Variants in TNS1 observed in about 807,000 individuals in gnomAD.
The protein encoded by TNS1 is tensin-1.
A neutral mutation model predicts 168.6 loss-of-function variants in TNS1; 62 were observed. The observed-to-expected ratio is 0.37, with a 90% CI of 0.30 to 0.45. TNS1 has a LOEUF of 0.45. Among genes scored for constraint, TNS1 ranks in the 20% least tolerant of loss-of-function variants. The pLI is 1.00. For synonymous variants in TNS1, 934 were observed against 933.2 expected (o/e 1.00, Z -0.02); for missense variants, 2,240 against 2,339.4 (o/e 0.96, Z 0.88).
chr2:217,972,486 C>G (rs1216977805), intron 3 of TNS1, among the ~76,000 whole-genome samples: 1 of 152,224 alleles, frequency 6.6e-6, no homozygotes, highest in Non-Finnish European at 1.5e-5. Flanking sequence ...ATGGGATTTC[C>G]TTTCCTTTCA....
At chr2:217,861,801 C>T (rs910382643) in intron 18 of TNS1, among the ~76,000 whole-genome samples, 1 of 152,246 alleles carries the variant, frequency 6.6e-6, no homozygotes, top group Admixed American at 6.5e-5. Flanking sequence ...AAGGACAGAA[C>T]ACGAGTAGTG....
At chr2:217,868,126 C>T (rs770370786) in intron 18 of TNS1, among the ~76,000 whole-genome samples, 5 of 152,312 alleles carry the variant, frequency 3.3e-5, no homozygotes, top group South Asian at 2.1e-4. Flanking sequence ...AATGAAGAAG[C>T]GAATGTGACT....
At chr2:217,934,092 G>A (rs549795840) in intron 3 of TNS1, among the ~76,000 whole-genome samples, 48 of 152,318 alleles carry the variant, frequency 3.2e-4, no homozygotes, top group East Asian at 1.3e-3. Flanking sequence ...ACCTTACAGC[G>A]GAGAAATGTG....
At chr2:217,822,423 G>A (rs1943011302) in intron 22 of TNS1, among the ~76,000 whole-genome samples, 1 of 152,106 alleles carries the variant, frequency 6.6e-6, no homozygotes, top group Non-Finnish European at 1.5e-5. Context: ...AACAGCCTTG[G>A]CCACCTAGCA....
At chr2:217,974,348 T>A (rs149641534) in intron 3 of TNS1, among the ~76,000 whole-genome samples, 120 of 152,132 alleles carry the variant, frequency 7.9e-4, no homozygotes, top group African/African-American at 2.8e-3. Context: ...TTGGGAGGGG[T>A]ATTTAAAGTG....
chr2:217,859,367 C>A (rs922240288), intron 18 of TNS1: 27 of 424,896 alleles, frequency 6.4e-5, no homozygotes, highest in Middle Eastern at 1.2e-3. Context: ...TCTCTCTCCC[C>A]CTTTCCCCTC....
intron 3 of TNS1, among the ~76,000 whole-genome samples, chr2:217,931,461 G>A (rs1314565551): frequency 1.3e-5 from 2 of 152,220 alleles, no homozygotes; most frequent in Admixed American, 6.5e-5. Context: ...GGGGACATGT[G>A]AGGGTAGGTG....
chr2:217,937,209 T>G, intron 3 of TNS1: 1 of 363,410 alleles, frequency 2.8e-6, no homozygotes, highest in Non-Finnish European at 5.5e-6. Flanking sequence ...CCCCACTAGA[T>G]CGTGTCTCCC....
intron 19 of TNS1, among the ~76,000 whole-genome samples, chr2:217,839,801 C>G (rs1264162141): frequency 6.6e-6 from 1 of 152,240 alleles, no homozygotes; most frequent in African/African-American, 2.4e-5. Context: ...CTGGATTCCT[C>G]AGGTCCAGGT....
chr2:218,027,343 G>T (rs6746015), intron 1 of TNS1, among the ~76,000 whole-genome samples: 46,757 of 151,496 alleles, frequency 0.31, 11,084 homozygotes, highest in African/African-American at 0.66. Context: ...GACTCACCTC[G>T]TTCCCAGCTT....
At position 217,948,128 on chromosome 2, in the gene TNS1, C is replaced by T. The variant is rs1020734319; in HGVS notation, c.187-27892G>A. ...GGCACCACATCACCCGACTCCCACA[C>T]TCAAGGAGCCAGACTCTCAGGTTCT... On this transcript the variant is annotated intron_variant, in intron 3 of 32. Coordinates refer to ENST00000682258, the MANE Select transcript of TNS1 (RefSeq NM_001387777.1). This position sits in a 1 kb window ranked among gnomAD's most constrained non-coding sequence, Gnocchi z 4.1. Among the ~76,000 whole-genome samples, 1 of 152,226 alleles carries T rather than the reference C, an allele frequency of 6.6e-6. No individual in the cohort carries two copies. The highest frequency in any genetic ancestry group is 1.5e-5 in the Non-Finnish European group (1 of 68,040).
At chr2:217,998,191 G>T (rs1227469079) in intron 1 of TNS1, among the ~76,000 whole-genome samples, 1 of 151,468 alleles carries the variant, frequency 6.6e-6, no homozygotes, top group Non-Finnish European at 1.5e-5. Context: ...TCAGTTTCCT[G>T]AGTGAGATAG....
At chr2:217,822,605 G>A (rs750733995) in intron 22 of TNS1, among the ~76,000 whole-genome samples, 8 of 152,176 alleles carry the variant, frequency 5.3e-5, no homozygotes, top group Non-Finnish European at 1.0e-4. Flanking sequence ...GCCCACCTCT[G>A]GCATTCCTGT....
intron 3 of TNS1, among the ~76,000 whole-genome samples, chr2:217,959,059 A>G (rs1957432715): frequency 6.6e-6 from 1 of 152,104 alleles, no homozygotes; most frequent in African/African-American, 2.4e-5. Flanking sequence ...AGGGGAACCT[A>G]GTGCTGCACT....
intron 32 of TNS1, among the ~76,000 whole-genome samples, chr2:217,805,516 C>CCACACACACCA (rs1938543121): frequency 5.5e-5 from 1 of 18,306 alleles, no homozygotes; most frequent in East Asian, 1.2e-3. Context: ...ACCACACACA[C>CCACACACACCA]CACACACACC....
chr2:217,805,575 C>A (rs1261924827), intron 32 of TNS1, among the ~76,000 whole-genome samples: 4 of 19,370 alleles, frequency 2.1e-4, no homozygotes, highest in East Asian at 1.7e-3. Context: ...CCACACACAC[C>A]ACACACACAA....
Position 217,848,343 on chromosome 2 carries a change from C to G in TNS1, c.2174G>C (p.Trp725Ser). 1 of 1,539,808 alleles carries G rather than the reference C, an allele frequency of 6.5e-7. No individual in the cohort carries two copies. Among genetic ancestry groups the G allele is most frequent in the African/African-American group, 1.4e-5 (1 of 73,116 alleles). Reference protein sequence around the residue: ...GYQREGPHPAWPQPVTTSHYA... With the variant: ...GYQREGPHPASPQPVTTSHYA... ...GTGGGAGGTGGTCACTGGCTGTGGC[C>G]AGGCTGGGTGGGGCCCCTCCCTCTG... Residue 725 changes from tryptophan to serine, a missense_variant, in exon 19 of 33, where the codon TGG (tryptophan) becomes TCG (serine). Transcript: ENST00000682258.
intron 6 of TNS1, among the ~76,000 whole-genome samples, 196 bp downstream of exon 6, chr2:217,906,139 C>T (rs1189480548): frequency 6.6e-6 from 1 of 152,226 alleles, no homozygotes; most frequent in East Asian, 1.9e-4. Context: ...AGCTCTGGAT[C>T]TCGCTTAGAT....
upstream of TNS1, among the ~76,000 whole-genome samples, chr2:218,010,785 A>G (rs1478850256): frequency 6.6e-6 from 1 of 152,122 alleles, no homozygotes; most frequent in Non-Finnish European, 1.5e-5. Flanking sequence ...GCCCACTCCA[A>G]TTCCCATATT....
Sources: allele counts gnomAD v4.1 joint callset (sites outside exome capture counted in the v4.1 genomes callset), GRCh38; gene constraint gnomAD v4.1.1; non-coding constraint Gnocchi (gnomAD v3.1); transcripts MANE v1.5; gene names NCBI Gene and HGNC (gene_info 2026-07-23, HGNC 2026-07-21).